The following LRBA variants were observed in gnomAD, a reference collection of about 807,000 sequenced individuals.
LRBA encodes LPS responsive beige-like anchor protein.
LRBA carries 176 observed loss-of-function variants against 330.0 expected under a neutral mutation model. That is an observed-to-expected ratio of 0.53 (90% CI 0.47 to 0.60). The LOEUF is 0.60. Ranked by LOEUF, LRBA falls within the 20% of genes least tolerant of loss-of-function variation. The probability of loss-of-function intolerance (pLI) is 0.00; values close to 1 mark genes in which losing one functional copy is unlikely to be tolerated. For synonymous variants in LRBA, 1,230 were observed against 1,193.0 expected, an observed-to-expected ratio of 1.03 and a Z score of -0.64; for missense variants, 3,259 against 3,444.8, an observed-to-expected ratio of 0.95 and a Z score of 1.35.
At chr4:150,478,359 G>T (rs921932253) in intron 42 of LRBA, among the ~76,000 whole-genome samples, 1 of 152,128 alleles carries the variant, frequency 6.6e-6, no homozygotes, top group Non-Finnish European at 1.5e-5. Flanking sequence ...CATGGGGATG[G>T]AAGGATGTTT....
intron 2 of LRBA, among the ~76,000 whole-genome samples, chr4:150,974,645 A>T (rs1351645686): frequency 6.6e-6 from 1 of 152,228 alleles, no homozygotes; most frequent in African/African-American, 2.4e-5. Flanking sequence ...AGATAAATAG[A>T]AGCGCTGGCT....
At chr4:150,353,135 C>T (rs561859855) in intron 47 of LRBA, among the ~76,000 whole-genome samples, 55 of 152,116 alleles carry the variant, frequency 3.6e-4, no homozygotes, top group Non-Finnish European at 6.6e-4. Context: ...AAAAGCTCTA[C>T]TATAATAGAT....
rs554262502 is a variant in LRBA at position 150,597,793 on chromosome 4, A to T, written c.6046+1214T>A. Among the ~76,000 whole-genome samples, 15 of 152,204 alleles carry T rather than the reference A, an allele frequency of 9.9e-5. No individual in the cohort carries two copies. The South Asian group carries it at 3.1e-3, about 32-fold the overall frequency. ...AAACTATATGTACTCTAAAAGCAAA[A>T]GTGGCCTAATTAATTCTACATTTTA... On this transcript the variant is annotated intron_variant, in intron 38 of 56. Transcript: ENST00000651943.
intron 53 of LRBA, among the ~76,000 whole-genome samples, chr4:150,292,325 T>C (rs1178654718): frequency 2.6e-5 from 4 of 152,224 alleles, no homozygotes; most frequent in Non-Finnish European, 5.9e-5. Context: ...AGTTACTTTA[T>C]AAAAAGTGAA....
At chr4:150,700,988 G>A (rs1323112254) in intron 36 of LRBA, among the ~76,000 whole-genome samples, 1 of 151,944 alleles carries the variant, frequency 6.6e-6, no homozygotes, top group African/African-American at 2.4e-5. Flanking sequence ...TCAAACTCCT[G>A]GACTCAAGCA....
chr4:150,420,150 G>T (rs1260277901), intron 46 of LRBA, among the ~76,000 whole-genome samples: 1 of 150,116 alleles, frequency 6.7e-6, no homozygotes, highest in Non-Finnish European at 1.5e-5. Context: ...AGATTGATGT[G>T]GGAAGACTGT....
chr4:150,590,092 G>C (rs1015777287), intron 39 of LRBA, among the ~76,000 whole-genome samples: 2 of 152,234 alleles, frequency 1.3e-5, no homozygotes, highest in Admixed American at 6.5e-5. Flanking sequence ...TCTTCCTTGA[G>C]GGACAGAGCC....
chr4:150,916,511 C>G lies in LRBA; in HGVS notation c.784G>C (p.Gly262Arg). ...ACAAAATGAGCAGAATAGCCAAGAC[C>G]TTTGCTGGTTCTGAAACTATAAAGA... ...PYLYCFRTSKGLGYSAHFVGG... is the reference protein window; with the variant it reads ...PYLYCFRTSKRLGYSAHFVGG... The change falls in exon 7 of 57, where the codon GGT becomes CGT. Residue 262 changes from glycine (G) to arginine (R), a missense_variant. Transcript: ENST00000651943. 2 of 1,613,302 alleles carry G rather than the reference C, an allele frequency of 1.2e-6. No homozygotes were observed. Among genetic ancestry groups the G allele is most frequent in the East Asian group, 2.2e-5 (1 of 44,778 alleles).
chr4:150,676,219 A>C (rs1782544844), intron 37 of LRBA, among the ~76,000 whole-genome samples: 1 of 152,180 alleles, frequency 6.6e-6, no homozygotes, highest in Admixed American at 6.5e-5. Context: ...AATCACACTA[A>C]TCTTGTATTA....
In LRBA at chr4:150,454,972, ATT is replaced by A. The variant is rs751715206; in HGVS notation, c.6780+12699_6780+12700del. Among the ~76,000 whole-genome samples, 379 of 122,574 alleles carry A rather than the reference ATT, an allele frequency of 3.1e-3. 5 individuals are homozygous for A. Among genetic ancestry groups the A allele is most frequent in the Admixed American group, 0.016 (176 of 11,262 alleles). The allele number at this position is 122,574 out of a possible 152,430, so 80.4% of individuals were successfully genotyped here. ...TTATTGCTTACTCCAGTTTTATTTT[ATT>A]TTTTATTTTTTTTATTATAGTTTAA... On this transcript the variant is annotated intron_variant, in intron 44 of 56. Transcript: ENST00000651943.
Position 150,544,709 on chromosome 4 carries a change from T to C in LRBA, c.6330+43339A>G, listed in dbSNP as rs78690886. On this transcript the variant is annotated intron_variant, in intron 40 of 56. Transcript: ENST00000651943. ...ATGTTTGTCTTGCTCACTATTGAAT[T>C]CCCAAGGTCTAAACATATGGGCCTG... Among the ~76,000 whole-genome samples the C allele has an allele frequency of 6.6e-4, 100 of 152,330 alleles. 2 individuals are homozygous for C. The East Asian group carries it at 0.017, about 26-fold the overall frequency.
chr4:150,640,319 C>G lies in LRBA; in HGVS notation c.5922-41188G>C, dbSNP rs368543270. ...GCAGGACAAATCATACATCATACCT[C>G]TATCAGTCTGATTTGTACCTGTCAC... is the stretch of plus-strand genomic sequence containing the variant. On this transcript the variant is annotated intron_variant, in intron 37 of 56. Coordinates refer to ENST00000651943, the MANE Select transcript of LRBA (RefSeq NM_001364905.1). 3.9e-5 allele frequency among the ~76,000 whole-genome samples: 6 copies of G among 152,212 alleles called. No homozygotes were observed. In the South Asian group the frequency reaches 6.2e-4, roughly 16 times the overall value.
chr4:150,697,351 A>AAAAAC (rs1491393713), intron 36 of LRBA, among the ~76,000 whole-genome samples: 2 of 148,086 alleles, frequency 1.4e-5, no homozygotes. Context: ...AAAAAAAAAA[A>AAAAAC]CAGGGAGAGT....
rs539709266 is a variant in LRBA at position 150,670,072 on chromosome 4, T to C, written c.5921+13479A>G. The stretch of plus-strand genomic sequence containing the variant: ...ATGAAGTTAATATGTTTCCTGCTTG[T>C]AATTAATAACTATCTTGTTGGGAGA... On this transcript the variant is annotated intron_variant, in intron 37 of 56. Transcript: ENST00000651943. Among the ~76,000 whole-genome samples the C allele has an allele frequency of 3.3e-5, 5 of 152,250 alleles. No homozygotes were observed. In the East Asian group the frequency reaches 9.7e-4, roughly 29 times the overall value.
chr4:150,500,664 G>C (rs1341892196), intron 40 of LRBA, among the ~76,000 whole-genome samples: 1 of 152,202 alleles, frequency 6.6e-6, no homozygotes, highest in Non-Finnish European at 1.5e-5. Flanking sequence ...TTTACTGATA[G>C]ACTATTCTGT....
intron 14 of LRBA, 126 bp downstream of exon 14, chr4:150,899,922 TA>T: frequency 3.4e-6 from 2 of 587,720 alleles, no homozygotes; most frequent in Non-Finnish European, 5.8e-6. Flanking sequence ...GAGATTAAAA[TA>T]AAATTTTGCC....
At chr4:150,453,209 G>A (rs79368414) in intron 44 of LRBA, among the ~76,000 whole-genome samples, 25,403 of 151,412 alleles carry the variant, frequency 0.17, 2,188 homozygotes, top group Non-Finnish European at 0.2. Flanking sequence ...AAAAAGCCTA[G>A]AACAGCCAAA....
rs35524884 is a variant in LRBA, at chr4:150,726,979, C to CAA, written c.5754+8277_5754+8278dup. 5.1e-4 allele frequency among the ~76,000 whole-genome samples: 55 copies of CAA among 107,164 alleles called. 1 individual carries two copies. The highest frequency in any genetic ancestry group is 9.3e-4 in the Admixed American group (10 of 10,754). The allele number at this position is 107,164 out of a possible 152,430, so 70.3% of individuals were successfully genotyped here. On this transcript the variant is annotated intron_variant, in intron 36 of 56. Transcript: ENST00000651943. ...TTCAGCATTGGGCAGATCTCACGGA[C>CAA]AAAAAAAAAAAAATCAAAAAAGAAA...
intron 22 of LRBA, among the ~76,000 whole-genome samples, chr4:150,854,456 C>T (rs1201573680): frequency 6.6e-6 from 1 of 152,118 alleles, no homozygotes; most frequent in Non-Finnish European, 1.5e-5. Flanking sequence ...TACTGAACAT[C>T]GGTAGCAGGC....
Sources: allele counts gnomAD v4.1 joint callset (sites outside exome capture counted in the v4.1 genomes callset), GRCh38; gene constraint gnomAD v4.1.1; transcripts MANE v1.5; gene names NCBI Gene and HGNC (gene_info 2026-07-23, HGNC 2026-07-21).